UPRT: variants seen among roughly 807,000 people sequenced by gnomAD.
UPRT encodes the protein uracil phosphoribosyltransferase homolog, also known as RP11-311P8.3.
UPRT carries 5 observed loss-of-function variants against 22.6 expected under a neutral mutation model. That is an observed-to-expected ratio of 0.22 (90% CI 0.12 to 0.47). The LOEUF is 0.47. Among genes scored for constraint, UPRT ranks in the 20% least tolerant of loss-of-function variants. The probability of loss-of-function intolerance (pLI) is 0.99; values close to 1 mark genes in which losing one functional copy is unlikely to be tolerated. For missense variants in UPRT, 181 were observed against 239.9 expected, an observed-to-expected ratio of 0.75 and a Z score of 1.62; for synonymous variants, 77 against 87.7, an observed-to-expected ratio of 0.88 and a Z score of 0.68.
At chrX:75,210,678 C>G (rs1336010131) in intron 4 of UPRT, among the ~76,000 whole-genome samples, 1 of 75,468 alleles carries the variant, frequency 1.3e-5, no homozygotes, top group African/African-American at 5.3e-5. Context: ...GGAGGGGGAC[C>G]GAGGGAGGGG....
At chrX:75,232,569 C>T (rs1331130957) in intron 4 of UPRT, among the ~76,000 whole-genome samples, 1 of 112,171 alleles carries the variant, frequency 8.9e-6, no homozygotes, top group Admixed American at 9.4e-5. Context: ...GTGGTTCTCC[C>T]AGCACGCAGC....
chrX:75,300,339 T>G (rs776422300), intron 5 of UPRT, among the ~76,000 whole-genome samples: 2 of 111,822 alleles, frequency 1.8e-5, no homozygotes, highest in Admixed American at 1.9e-4. Context: ...ATGTTAAATT[T>G]GATACCTCAT....
intron 4 of UPRT, among the ~76,000 whole-genome samples, chrX:75,247,191 G>A (rs1261137712): frequency 9.0e-6 from 1 of 111,461 alleles, no homozygotes; most frequent in African/African-American, 3.3e-5. Flanking sequence ...TTCCAACTGA[G>A]GTTCCGGGTT....
At chrX:75,288,040 A>G (rs1407724618) in intron 1 of UPRT, among the ~76,000 whole-genome samples, 1 of 111,829 alleles carries the variant, frequency 8.9e-6, no homozygotes, top group Non-Finnish European at 1.9e-5. Flanking sequence ...AGAGACTATT[A>G]TGAACAACTC....
At chrX:75,207,163 C>T (rs2082369466) in intron 4 of UPRT, among the ~76,000 whole-genome samples, 1 of 112,077 alleles carries the variant, frequency 8.9e-6, no homozygotes, top group South Asian at 3.8e-4. Flanking sequence ...AAACCCCTTT[C>T]CTGTCAGATT....
At chrX:75,160,822 G>A (rs746755870) in intron 2 of UPRT, among the ~76,000 whole-genome samples, 3 of 112,377 alleles carry the variant, frequency 2.7e-5, no homozygotes, top group Non-Finnish European at 5.6e-5. Context: ...GAGCCACCAT[G>A]ACCAGTGCAA....
chrX:75,284,487 G>A (rs183864728), intron 1 of UPRT, among the ~76,000 whole-genome samples: 1 of 111,793 alleles, frequency 8.9e-6, no homozygotes, highest in Admixed American at 9.5e-5. Flanking sequence ...CCCACGGGGT[G>A]TTTCCTTGAT....
At chrX:75,218,136 C>T (rs2082398877) in intron 4 of UPRT, among the ~76,000 whole-genome samples, 1 of 111,974 alleles carries the variant, frequency 8.9e-6, no homozygotes, top group African/African-American at 3.3e-5. Context: ...ACAACCTACT[C>T]ATCTGACAAA....
At chrX:75,171,832 T>C (rs2082228811) in intron 4 of UPRT, among the ~76,000 whole-genome samples, 1 of 111,241 alleles carries the variant, frequency 9.0e-6, no homozygotes, top group African/African-American at 3.3e-5. Context: ...AGAGCCGAAC[T>C]CTAATGATTG....
At chrX:75,239,766 T>C (rs1179009099) in intron 4 of UPRT, among the ~76,000 whole-genome samples, 1 of 111,759 alleles carries the variant, frequency 8.9e-6, no homozygotes, top group Non-Finnish European at 1.9e-5. Flanking sequence ...TAAGTGGGTT[T>C]CATACCAGGG....
At chrX:75,257,656 T>C (rs1238335038) in intron 4 of UPRT, among the ~76,000 whole-genome samples, 3 of 111,750 alleles carry the variant, frequency 2.7e-5, no homozygotes, top group Non-Finnish European at 5.6e-5. Context: ...GATAAAAGAA[T>C]TCAGTAAAGT....
chrX:75,289,800 A>ATCC (rs1409487035), intron 1 of UPRT, among the ~76,000 whole-genome samples: 48 of 111,761 alleles, frequency 4.3e-4, no homozygotes, highest in Non-Finnish European at 7.5e-4. Context: ...ACCATGTAGA[A>ATCC]AACTTAAGAT....
chrX:75,283,103 GT>G (rs1310173259), intron 1 of UPRT, among the ~76,000 whole-genome samples: 2 of 111,888 alleles, frequency 1.8e-5, no homozygotes, highest in Non-Finnish European at 3.8e-5. Context: ...CTCCAGCTCG[GT>G]TTTGGTGTCC....
intron 2 of UPRT, among the ~76,000 whole-genome samples, chrX:75,163,105 T>A (rs1408291556): frequency 9.8e-5 from 11 of 111,911 alleles, no homozygotes; most frequent in African/African-American, 3.6e-4. Context: ...ACTCACTGAT[T>A]GCCCAAAAAC....
chrX:75,284,929 G>T (rs1373850479), intron 1 of UPRT, among the ~76,000 whole-genome samples: 1 of 110,861 alleles, frequency 9.0e-6, no homozygotes, highest in Non-Finnish European at 1.9e-5. Context: ...TGGGGGCAGG[G>T]CTAGGTGTGT....
chrX:75,169,944 G>T (rs2082222159), intron 4 of UPRT, among the ~76,000 whole-genome samples: 1 of 110,622 alleles, frequency 9.0e-6, no homozygotes, highest in Admixed American at 9.7e-5. Flanking sequence ...TATAAATTTG[G>T]GAGCTCCACT....
intron 1 of UPRT, among the ~76,000 whole-genome samples, chrX:75,278,819 C>G (rs1454279342): frequency 2.7e-5 from 3 of 111,151 alleles, no homozygotes; most frequent in Non-Finnish European, 3.8e-5. Context: ...AAAAAAGGAG[C>G]ACATTCAGCC....
At chrX:75,246,339 G>A (rs1446955094) in intron 4 of UPRT, among the ~76,000 whole-genome samples, 1 of 101,015 alleles carries the variant, frequency 9.9e-6, no homozygotes, top group African/African-American at 3.7e-5. Context: ...CCACCTATGA[G>A]AGAGAACATG....
At chrX:75,299,309 T>G (rs377732291) in intron 4 of UPRT, among the ~76,000 whole-genome samples, 1 of 112,591 alleles carries the variant, frequency 8.9e-6, no homozygotes. Context: ...CTTTCTGATC[T>G]ACATCCTTTA....
Sources: gnomAD v4.1 joint callset for allele counts (sites outside exome capture counted in the v4.1 genomes callset) on GRCh38, gnomAD v4.1.1 for gene constraint, MANE v1.5 for transcripts, NCBI Gene and HGNC (gene_info 2026-07-23, HGNC 2026-07-21) for gene names.